Variants in ADAMTS12 observed in about 807,000 individuals in gnomAD.
The protein encoded by ADAMTS12 is A disintegrin and metalloproteinase with thrombospondin motifs 12.
Under a neutral mutation model 167.8 loss-of-function variants are expected in ADAMTS12, and 118 were observed. The ratio of observed to expected loss-of-function variants is 0.70; its 90% confidence interval spans 0.61 to 0.82. The LOEUF (loss-of-function observed/expected upper bound fraction) is 0.82, where lower values mean the gene tolerates loss of function less well. Ranked by LOEUF, ADAMTS12 falls within the 40% of genes least tolerant of loss-of-function variation. The probability of loss-of-function intolerance (pLI) is 0.00; values close to 1 mark genes in which losing one functional copy is unlikely to be tolerated. For missense variants in ADAMTS12, 1,916 were observed against 1,998.8 expected, an observed-to-expected ratio of 0.96 and a Z score of 0.79; for synonymous variants, 704 against 716.9, an observed-to-expected ratio of 0.98 and a Z score of 0.29.
intron 5 of ADAMTS12, among the ~76,000 whole-genome samples, chr5:33,681,526 C>T (rs550173546): frequency 5.9e-5 from 9 of 152,316 alleles, no homozygotes; most frequent in South Asian, 2.1e-4. Flanking sequence ...AGAATAAAGA[C>T]ACATGGCTTC....
intron 2 of ADAMTS12, among the ~76,000 whole-genome samples, chr5:33,847,854 T>A (rs1749007151): frequency 6.6e-6 from 1 of 152,126 alleles, no homozygotes; most frequent in Non-Finnish European, 1.5e-5. Flanking sequence ...GGTAGAAGAC[T>A]GTATTCACCA....
chr5:33,808,955 G>A (rs1028393698), intron 2 of ADAMTS12, among the ~76,000 whole-genome samples: 3 of 152,154 alleles, frequency 2.0e-5, no homozygotes, highest in Non-Finnish European at 4.4e-5. Flanking sequence ...ACTTCCTGAA[G>A]GCAAGGATTA....
intron 6 of ADAMTS12, among the ~76,000 whole-genome samples, chr5:33,658,598 C>T (rs1266550715): frequency 6.6e-6 from 1 of 152,072 alleles, no homozygotes; most frequent in East Asian, 1.9e-4. Context: ...CTCTGGATCT[C>T]GGGAGGTCAA....
intron 2 of ADAMTS12, among the ~76,000 whole-genome samples, chr5:33,819,769 G>A (rs937119084): frequency 6.6e-6 from 1 of 152,010 alleles, no homozygotes; most frequent in African/African-American, 2.4e-5. Context: ...ATCTCATCTG[G>A]GGGCCATCAG....
chr5:33,630,724 A>G (rs1383882758), intron 13 of ADAMTS12, 56 bp downstream of exon 13: 3 of 1,561,334 alleles, frequency 1.9e-6, no homozygotes, highest in Non-Finnish European at 1.8e-6. Flanking sequence ...TGACTTCCCA[A>G]ATTAGTAAAA....
intron 5 of ADAMTS12, among the ~76,000 whole-genome samples, chr5:33,674,336 C>A (rs6895282): frequency 6.6e-6 from 1 of 152,132 alleles, no homozygotes; most frequent in African/African-American, 2.4e-5. Context: ...AATTCCAGTG[C>A]CTGTAATAGG....
chr5:33,651,235 C>A (rs1740859330), intron 7 of ADAMTS12, among the ~76,000 whole-genome samples: 1 of 152,118 alleles, frequency 6.6e-6, no homozygotes, highest in East Asian at 1.9e-4. Flanking sequence ...AGTTAAAATC[C>A]TAAACTGCAA....
At chr5:33,832,503 T>C (rs1278848506) in intron 2 of ADAMTS12, among the ~76,000 whole-genome samples, 2 of 152,186 alleles carry the variant, frequency 1.3e-5, no homozygotes, top group Non-Finnish European at 2.9e-5. Context: ...CAAAATTGAA[T>C]TCCCTCTTCT....
intron 3 of ADAMTS12, among the ~76,000 whole-genome samples, chr5:33,695,870 T>C (rs1303852296): frequency 1.3e-5 from 2 of 152,242 alleles, no homozygotes; most frequent in Non-Finnish European, 2.9e-5. Flanking sequence ...TTTTTTGTTA[T>C]GTATATGTTA....
At chr5:33,774,034 G>A (rs921521015) in intron 2 of ADAMTS12, among the ~76,000 whole-genome samples, 1 of 152,120 alleles carries the variant, frequency 6.6e-6, no homozygotes, top group African/African-American at 2.4e-5. Flanking sequence ...TCCATTTAAA[G>A]TAATGGGGAG....
chr5:33,708,608 A>T (rs189361385), intron 3 of ADAMTS12, among the ~76,000 whole-genome samples: 186 of 152,362 alleles, frequency 1.2e-3, no homozygotes, highest in African/African-American at 4.4e-3. Flanking sequence ...ATGGAATACT[A>T]TGCAGCCATA....
chr5:33,663,484 C>A (rs1741339862), intron 5 of ADAMTS12, among the ~76,000 whole-genome samples: 2 of 152,156 alleles, frequency 1.3e-5, no homozygotes, highest in African/African-American at 4.8e-5. Flanking sequence ...GGAAATATTT[C>A]TTGATCATTT....
chr5:33,675,396 T>TA (rs1330201778), intron 5 of ADAMTS12, among the ~76,000 whole-genome samples: 2 of 152,154 alleles, frequency 1.3e-5, no homozygotes, highest in East Asian at 3.8e-4. Context: ...AATAGTAAAA[T>TA]AAAATCTCAA....
intron 17 of ADAMTS12, among the ~76,000 whole-genome samples, chr5:33,592,977 A>G (rs945930597): frequency 2.6e-5 from 4 of 152,202 alleles, no homozygotes; most frequent in Admixed American, 1.3e-4. Flanking sequence ...TTATTTATTT[A>G]TTTTTAAAAA....
intron 2 of ADAMTS12, among the ~76,000 whole-genome samples, chr5:33,765,118 C>T (rs148074730): frequency 1.3e-3 from 191 of 152,178 alleles, no homozygotes; most frequent in African/African-American, 4.5e-3. Context: ...TTTTAAAGTA[C>T]AGAAAATTTA....
chr5:33,712,246 T>C (rs1743427255), intron 3 of ADAMTS12, among the ~76,000 whole-genome samples: 1 of 152,048 alleles, frequency 6.6e-6, no homozygotes, highest in African/African-American at 2.4e-5. Flanking sequence ...CTGGAAAACA[T>C]AAAAAACCTC....
intron 1 of ADAMTS12, among the ~76,000 whole-genome samples, chr5:33,885,834 C>G (rs150960019): frequency 1.3e-5 from 2 of 152,274 alleles, no homozygotes; most frequent in Admixed American, 6.5e-5. Context: ...TTTGGAGTGA[C>G]AGATCAACAG....
intron 2 of ADAMTS12, among the ~76,000 whole-genome samples, chr5:33,839,375 G>T (rs1053868685): frequency 6.6e-6 from 1 of 152,160 alleles, no homozygotes; most frequent in African/African-American, 2.4e-5. Context: ...AGGTTTAACC[G>T]TATTTTAGAC....
chr5:33,585,056 T>A (rs990514189), intron 18 of ADAMTS12, among the ~76,000 whole-genome samples: 1 of 151,988 alleles, frequency 6.6e-6, no homozygotes, highest in African/African-American at 2.4e-5. Context: ...CATCCATCCA[T>A]CCATCCATCC....
Sources: gnomAD v4.1 joint callset for allele counts (sites outside exome capture counted in the v4.1 genomes callset) on GRCh38, gnomAD v4.1.1 for gene constraint, MANE v1.5 for transcripts, NCBI Gene and HGNC (gene_info 2026-07-23, HGNC 2026-07-21) for gene names.